Variants in ADGRL3 observed in about 807,000 individuals in gnomAD.
ADGRL3 encodes adhesion G protein-coupled receptor L3, also known as calcium-independent alpha-latrotoxin receptor 3.
In ADGRL3, 62 loss-of-function variants were observed where a neutral mutation model predicts 153.5. That is an observed-to-expected ratio of 0.40 (90% confidence interval 0.33 to 0.50). The LOEUF (loss-of-function observed/expected upper bound fraction) is 0.50. ADGRL3 is among the 20% of genes least tolerant of loss of function. The pLI, the probability that ADGRL3 is intolerant of heterozygous loss-of-function variation, is 0.47. For synonymous variants in ADGRL3, 710 were observed against 672.5 expected (o/e 1.06, Z -0.86); for missense variants, 1,641 against 1,859.4 (o/e 0.88, Z 2.16).
chr4:61,876,961 G>C (rs749686134), intron 9 of ADGRL3, among the ~76,000 whole-genome samples: 1 of 151,130 alleles, frequency 6.6e-6, no homozygotes, highest in Non-Finnish European at 1.5e-5. Flanking sequence ...AGATGAGAAG[G>C]GACCTTTTAA....
intron 2 of ADGRL3, among the ~76,000 whole-genome samples, chr4:61,477,421 GCTGA>G (rs2098078440): frequency 3.3e-5 from 5 of 152,102 alleles, no homozygotes; most frequent in South Asian, 2.1e-4. Flanking sequence ...GCAAAAGAAA[GCTGA>G]CTATTTGATC....
At chr4:62,050,305 A>T (rs1228382954) in intron 25 of ADGRL3, among the ~76,000 whole-genome samples, 1 of 152,064 alleles carries the variant, frequency 6.6e-6, no homozygotes, top group Admixed American at 6.6e-5. Context: ...TCTTCTCCCT[A>T]CCTTAGATAA....
rs144797604 is a variant in ADGRL3, at chr4:61,220,840, C to T, written c.-240+19075C>T. Among the ~76,000 whole-genome samples, 386 of 152,266 alleles carry T rather than the reference C, an allele frequency of 2.5e-3. 4 individuals carry two copies. Among genetic ancestry groups the T allele is most frequent in the African/African-American group, 8.8e-3 (365 of 41,556 alleles). ...ATACAAATGGAAGCCTGAATACTTA[C>T]AGCAGCGTCAGATAAGCATGCCAGA... On this transcript the variant is annotated intron_variant, in intron 1 of 26. Transcript: ENST00000683033.
rs1022241989 is a variant in ADGRL3 at position 61,413,889 on chromosome 4, C to T, written c.-174+30700C>T. ...TTCTCCATCCTTCAGCATCTTCTTACATTTGTTTTACATACAGTAGTCCTC... is the reference window on the plus strand; with the variant it reads ...TTCTCCATCCTTCAGCATCTTCTTATATTTGTTTTACATACAGTAGTCCTC... On this transcript the variant is annotated intron_variant, in intron 2 of 26. Coordinates refer to ENST00000683033, the MANE Select transcript of ADGRL3 (RefSeq NM_001387552.1). 2.6e-5 allele frequency among the ~76,000 whole-genome samples: 4 copies of T among 152,304 alleles called. No homozygotes were observed. The East Asian group carries it at 5.8e-4, about 22-fold the overall frequency.
intron 1 of ADGRL3, among the ~76,000 whole-genome samples, chr4:61,220,142 A>T (rs1744810803): frequency 6.6e-6 from 1 of 151,936 alleles, no homozygotes. Context: ...AAAGAAAAAG[A>T]AAATACAAAG....
At chr4:61,319,257 A>G (rs1392703921) in intron 1 of ADGRL3, among the ~76,000 whole-genome samples, 2 of 152,210 alleles carry the variant, frequency 1.3e-5, no homozygotes, top group African/African-American at 4.8e-5. Flanking sequence ...TTTTAGTCTC[A>G]TTCTGGAGAA....
chr4:61,387,135 G>T (rs1035623353), intron 2 of ADGRL3, among the ~76,000 whole-genome samples: 1 of 152,046 alleles, frequency 6.6e-6, no homozygotes, highest in African/African-American at 2.4e-5. Flanking sequence ...ACGTTGGTAG[G>T]ACCCGTGATA....
intron 9 of ADGRL3, among the ~76,000 whole-genome samples, chr4:61,833,535 G>A (rs538123397): frequency 1.5e-3 from 230 of 152,162 alleles, no homozygotes; most frequent in African/African-American, 5.0e-3. Flanking sequence ...CTGTCTTCTC[G>A]GATTGAGTCA....
At chr4:61,395,715 T>A (rs2096860730) in intron 2 of ADGRL3, among the ~76,000 whole-genome samples, 1 of 152,008 alleles carries the variant, frequency 6.6e-6, no homozygotes, top group East Asian at 1.9e-4. Context: ...AAATAGCCAA[T>A]TATAACCCAT....
chr4:61,428,934 T>TATCTATC (rs2097321918), intron 2 of ADGRL3, among the ~76,000 whole-genome samples: 2 of 148,800 alleles, frequency 1.3e-5, no homozygotes, highest in Admixed American at 1.3e-4. Flanking sequence ...TCTATCTATC[T>TATCTATC]ATCTATCTGT....
intron 23 of ADGRL3, among the ~76,000 whole-genome samples, chr4:62,034,373 A>G (rs1176310321): frequency 6.6e-6 from 1 of 151,820 alleles, no homozygotes; most frequent in Non-Finnish European, 1.5e-5. Flanking sequence ...CTAATTTTGA[A>G]CGCTTATTTT....
intron 3 of ADGRL3, among the ~76,000 whole-genome samples, chr4:61,505,466 T>C (rs1049609337): frequency 4.6e-5 from 7 of 152,226 alleles, no homozygotes; most frequent in African/African-American, 1.7e-4. Flanking sequence ...TACTGGTGAA[T>C]TGTATACAAA....
intron 8 of ADGRL3, among the ~76,000 whole-genome samples, chr4:61,771,263 C>G (rs1324951643): frequency 3.9e-5 from 6 of 152,196 alleles, no homozygotes; most frequent in Admixed American, 3.9e-4. Context: ...CACAAAACAT[C>G]TGGTATAAAT....
intron 1 of ADGRL3, among the ~76,000 whole-genome samples, chr4:61,276,239 T>C (rs767853026): frequency 2.6e-5 from 4 of 152,160 alleles, no homozygotes; most frequent in Non-Finnish European, 5.9e-5. Flanking sequence ...TCCCCATCAT[T>C]ACTCTAGTGC....
chr4:61,648,347 G>A (rs1038146072), intron 5 of ADGRL3, among the ~76,000 whole-genome samples: 5 of 120,578 alleles, frequency 4.1e-5, no homozygotes, highest in Non-Finnish European at 7.3e-5. Flanking sequence ...AAATGAAATC[G>A]GCTTTTTTTT....
At chr4:61,902,658 G>T (rs1384669988) in intron 11 of ADGRL3, among the ~76,000 whole-genome samples, 3 of 151,910 alleles carry the variant, frequency 2.0e-5, no homozygotes, top group Admixed American at 6.6e-5. Flanking sequence ...AAGACTCCAT[G>T]CCCCTCCCTC....
At chr4:61,350,144 G>A (rs571867890) in intron 1 of ADGRL3, among the ~76,000 whole-genome samples, 1 of 152,174 alleles carries the variant, frequency 6.6e-6, no homozygotes, top group Admixed American at 6.5e-5. Context: ...ATTCAAACAT[G>A]TTGCTGATAT....
intron 8 of ADGRL3, among the ~76,000 whole-genome samples, chr4:61,765,204 G>T (rs1250928860): frequency 6.6e-6 from 1 of 152,088 alleles, no homozygotes; most frequent in East Asian, 1.9e-4. Context: ...AGCAGGGCAT[G>T]TATGAGTAGT....
intron 9 of ADGRL3, among the ~76,000 whole-genome samples, chr4:61,859,772 A>G (rs998640789): frequency 1.3e-5 from 2 of 152,228 alleles, no homozygotes; most frequent in Middle Eastern, 3.2e-3. Flanking sequence ...TGTGGTGTGT[A>G]GTACTAAAGT....
Sources: allele counts gnomAD v4.1 joint callset (sites outside exome capture counted in the v4.1 genomes callset), GRCh38; gene constraint gnomAD v4.1.1; transcripts MANE v1.5; gene names NCBI Gene and HGNC (gene_info 2026-07-23, HGNC 2026-07-21).